The following CCDC6 variants were observed in gnomAD, a reference collection of about 807,000 sequenced individuals.
CCDC6 encodes the protein coiled-coil domain-containing protein 6.
CCDC6 carries 20 observed loss-of-function variants against 56.6 expected under a neutral mutation model. The observed-to-expected ratio is 0.35, with a 90% CI of 0.25 to 0.51. CCDC6 has a LOEUF of 0.51. CCDC6 is among the 20% of genes least tolerant of loss of function. The pLI, the probability that CCDC6 is intolerant of heterozygous loss-of-function variation, is 0.95. For synonymous variants in CCDC6, 241 were observed against 234.4 expected, an observed-to-expected ratio of 1.03 and a Z score of -0.26; for missense variants, 367 against 601.1, an observed-to-expected ratio of 0.61 and a Z score of 4.07.
At chr10:59,849,952 G>A (rs1268210745) in intron 2 of CCDC6, among the ~76,000 whole-genome samples, 1 of 152,204 alleles carries the variant, frequency 6.6e-6, no homozygotes, top group East Asian at 1.9e-4. Flanking sequence ...TTGGGAGCCT[G>A]AGGGATGAGT....
In CCDC6 at chr10:59,792,180, GC is replaced by G; in HGVS notation, c.*736del. The G allele has an allele frequency of 4.1e-6, 1 of 242,888 alleles. No individual in the cohort carries two copies. Among genetic ancestry groups the G allele is most frequent in the Non-Finnish European group, 8.1e-6 (1 of 122,962 alleles). 15.0% of individuals were successfully genotyped at this position (242,888 alleles called of 1,614,324 possible). On this transcript the variant is annotated 3_prime_UTR_variant, in exon 9 of 9. Transcript: ENST00000263102. ...CATTTATCGACTCATGTTAGAGGGG[GC>G]CAGGTTAAGTAGATTAACATTAAGG...
At chr10:59,883,812 A>G (rs773472509) in intron 1 of CCDC6, among the ~76,000 whole-genome samples, 13 of 152,242 alleles carry the variant, frequency 8.5e-5, no homozygotes, top group Non-Finnish European at 1.3e-4. Context: ...ATCAGGGTAG[A>G]GCCTGCTTTA....
intron 2 of CCDC6, 54 bp downstream of exon 2, chr10:59,852,499 C>A: frequency 6.9e-7 from 1 of 1,457,226 alleles, no homozygotes; most frequent in Non-Finnish European, 9.2e-7. Flanking sequence ...AAGTCATTTT[C>A]TCCTAGAAAG....
chr10:59,839,483 A>G (rs1395819679), intron 2 of CCDC6, among the ~76,000 whole-genome samples: 1 of 152,180 alleles, frequency 6.6e-6, no homozygotes, highest in East Asian at 1.9e-4. Flanking sequence ...GGTGGGGTGG[A>G]TTAATCAAGA....
At chr10:59,865,161 G>A (rs530178789) in intron 1 of CCDC6, among the ~76,000 whole-genome samples, 18 of 152,258 alleles carry the variant, frequency 1.2e-4, no homozygotes, top group African/African-American at 2.4e-4. Flanking sequence ...CCTGACACCC[G>A]AGGTTTCCAA....
chr10:59,885,787 C>A (rs2071378003), intron 1 of CCDC6, among the ~76,000 whole-genome samples: 1 of 152,156 alleles, frequency 6.6e-6, no homozygotes, highest in Non-Finnish European at 1.5e-5. Flanking sequence ...AGGGAAGCTC[C>A]GTTGGCTGCC....
At chr10:59,876,997 G>A (rs1394617717) in intron 1 of CCDC6, among the ~76,000 whole-genome samples, 1 of 152,176 alleles carries the variant, frequency 6.6e-6, no homozygotes, top group Non-Finnish European at 1.5e-5. Flanking sequence ...TGTACAGCAC[G>A]TTATTATACT....
intron 1 of CCDC6, among the ~76,000 whole-genome samples, chr10:59,870,488 T>C (rs2071218817): frequency 6.6e-6 from 1 of 152,172 alleles, no homozygotes; most frequent in Non-Finnish European, 1.5e-5. Context: ...CTGTCACCAC[T>C]GTTGGATCAT....
At chr10:59,835,894 C>A (rs2070878083) in intron 2 of CCDC6, among the ~76,000 whole-genome samples, 1 of 151,568 alleles carries the variant, frequency 6.6e-6, no homozygotes, top group Admixed American at 6.6e-5. Flanking sequence ...TCTGTCTCTA[C>A]AAAAAAAGAT....
In CCDC6 at chr10:59,906,308, TCCCCCGCCGCCACCGCCGCCG is replaced by T; in HGVS notation, c.96_116del (p.Gly38_Gly44del). 6.3e-7 allele frequency: 1 copy of T among 1,591,752 alleles called. No individual in the cohort carries two copies. The highest frequency in any genetic ancestry group is 8.5e-7 in the Non-Finnish European group (1 of 1,175,956). ...CCCCCGACTTCCCACCGCCGCCGCC[TCCCCCGCCGCCACCGCCGCCG>T]CCCGAGGTCGACGAGCAGGACGACT... On this transcript the variant is annotated inframe_deletion, in exon 1 of 9. Coordinates refer to ENST00000263102, the MANE Select transcript of CCDC6 (RefSeq NM_005436.5).
Position 59,868,434 on chromosome 10 carries a change from C to T in CCDC6, c.304-15732G>A, listed in dbSNP as rs116085004. Reference sequence around the variant, plus strand: ...AGATACGTTGTCCAGCCCGCCGCCACTAGACCGTTCCTGTGATTAAGGTGG... The same window carrying T: ...AGATACGTTGTCCAGCCCGCCGCCATTAGACCGTTCCTGTGATTAAGGTGG... On this transcript the variant is annotated intron_variant, in intron 1 of 8. Coordinates refer to ENST00000263102, the MANE Select transcript of CCDC6 (RefSeq NM_005436.5). 8.4e-3 allele frequency among the ~76,000 whole-genome samples: 1,279 copies of T among 152,294 alleles called. 16 individuals are homozygous for T. Among genetic ancestry groups the T allele is most frequent in the African/African-American group, 0.029 (1,197 of 41,546 alleles).
chr10:59,803,655 C>A (rs2070595140), intron 7 of CCDC6, among the ~76,000 whole-genome samples: 1 of 152,212 alleles, frequency 6.6e-6, no homozygotes, highest in Non-Finnish European at 1.5e-5. Context: ...CAGCTACTTG[C>A]CTCCCTGGCC....
At chr10:59,840,838 CAA>C (rs2070931951) in intron 2 of CCDC6, among the ~76,000 whole-genome samples, 1 of 152,142 alleles carries the variant, frequency 6.6e-6, no homozygotes, top group Admixed American at 6.5e-5. Context: ...ACCCAGAATC[CAA>C]AGTTTACCAT....
chr10:59,793,743 T>C (rs7096663), intron 8 of CCDC6, among the ~76,000 whole-genome samples: 135,408 of 151,290 alleles, frequency 0.9, 60,837 homozygotes, highest in South Asian at 0.95. Flanking sequence ...GACATCATGC[T>C]GCTGAACTCC....
intron 1 of CCDC6, among the ~76,000 whole-genome samples, chr10:59,895,141 T>A (rs1004526849): frequency 6.6e-6 from 1 of 151,888 alleles, no homozygotes; most frequent in African/African-American, 2.4e-5. Context: ...CTATAAAAAA[T>A]AATAATAATA....
rs1008473214 is a variant in CCDC6, at chr10:59,834,376, T to TACAA, written c.454-1727_454-1724dup. Among the ~76,000 whole-genome samples, 5 of 150,628 alleles carry TACAA rather than the reference T, an allele frequency of 3.3e-5. No homozygotes were observed. The East Asian group carries it at 5.9e-4, about 18-fold the overall frequency. ...GGTGAAACCCTGTCTCTACTAAAAA[T>TACAA]ACAAACAAACAAACAAACAAATAAA... On this transcript the variant is annotated intron_variant, in intron 2 of 8. Coordinates refer to ENST00000263102, the MANE Select transcript of CCDC6 (RefSeq NM_005436.5).
At chr10:59,851,927 G>GA (rs386361848) in intron 2 of CCDC6, among the ~76,000 whole-genome samples, 1 of 151,652 alleles carries the variant, frequency 6.6e-6, no homozygotes, top group East Asian at 1.9e-4. Context: ...TTGAAAGGGG[G>GA]AAAAAAAAGG....
At chr10:59,814,048 C>T (rs773747514) in intron 4 of CCDC6, among the ~76,000 whole-genome samples, 43 of 152,174 alleles carry the variant, frequency 2.8e-4, no homozygotes, top group Non-Finnish European at 4.3e-4. Flanking sequence ...CCCTGCCTCA[C>T]ACACTCCAAA....
chr10:59,871,123 T>G (rs1052546984), intron 1 of CCDC6, among the ~76,000 whole-genome samples: 1 of 152,160 alleles, frequency 6.6e-6, no homozygotes, highest in Admixed American at 6.5e-5. Flanking sequence ...CAAGAATATA[T>G]AAATAAAATG....
Sources: allele counts gnomAD v4.1 joint callset (sites outside exome capture counted in the v4.1 genomes callset), GRCh38; gene constraint gnomAD v4.1.1; transcripts MANE v1.5; gene names NCBI Gene and HGNC (gene_info 2026-07-23, HGNC 2026-07-21).